The following ACER3 variants were observed in gnomAD, a reference collection of about 807,000 sequenced individuals.
ACER3 encodes alkaline ceramidase 3.
In ACER3, 16 loss-of-function variants were observed where a neutral mutation model predicts 48.9. That is an observed-to-expected ratio of 0.33 (90% CI 0.22 to 0.50). The LOEUF (loss-of-function observed/expected upper bound fraction) is 0.50, where lower values mean the gene tolerates loss of function less well. ACER3 is among the 20% of genes least tolerant of loss of function. The pLI, the probability that ACER3 is intolerant of heterozygous loss-of-function variation, is 0.98. For missense variants in ACER3, 227 were observed against 326.0 expected (o/e 0.70, Z 2.34); for synonymous variants, 109 against 107.8 (o/e 1.01, Z -0.07).
chr11:76,895,319 T>C (rs893912113), intron 1 of ACER3, among the ~76,000 whole-genome samples: 25 of 152,330 alleles, frequency 1.6e-4, no homozygotes, highest in African/African-American at 5.8e-4. Flanking sequence ...CATATTTGCC[T>C]CAATTATGGT....
chr11:76,959,272 T>G, intron 3 of ACER3: 1 of 1,326,008 alleles, frequency 7.5e-7, no homozygotes. Flanking sequence ...CATATAAAAT[T>G]GAGAGCAGCA....
chr11:77,010,270 C>T (rs1264213591), intron 7 of ACER3, among the ~76,000 whole-genome samples: 1 of 151,654 alleles, frequency 6.6e-6, no homozygotes, highest in Non-Finnish European at 1.5e-5. Context: ...ATTACTTGAG[C>T]CCTGGAGCTT....
At chr11:76,923,204 T>C (rs775091150) in intron 1 of ACER3, among the ~76,000 whole-genome samples, 4 of 151,256 alleles carry the variant, frequency 2.6e-5, no homozygotes, top group Non-Finnish European at 5.9e-5. Flanking sequence ...CAAAACAGAC[T>C]GCACCTATTT....
rs370380074 is a variant in ACER3, at chr11:77,026,579, A to G, written c.*6252A>G. 2.6e-5 allele frequency: 4 copies of G among 152,224 alleles called. No homozygotes were observed. Among genetic ancestry groups the G allele is most frequent in the South Asian group, 2.1e-4 (1 of 4,832 alleles). The allele number at this position is 152,224 out of a possible 1,614,324, so 9.4% of individuals were successfully genotyped here. The stretch of plus-strand genomic sequence containing the variant: ...TTCTAGTAGCGATTATTTAATAAAC[A>G]TACATTGTACTGAATCTTACTAGCA... On this transcript the variant is annotated 3_prime_UTR_variant, in exon 11 of 11. Coordinates refer to ENST00000532485, the MANE Select transcript of ACER3 (RefSeq NM_018367.7).
chr11:77,019,814 G>T (rs782386292), intron 10 of ACER3, 38 bp downstream of exon 10: 2 of 1,598,884 alleles, frequency 1.3e-6, no homozygotes, highest in Admixed American at 1.7e-5. Context: ...TGTGTTGGGG[G>T]TATGGTACTG....
chr11:76,976,992 A>G (rs531731470), intron 4 of ACER3, among the ~76,000 whole-genome samples: 2 of 152,372 alleles, frequency 1.3e-5, no homozygotes, highest in East Asian at 3.9e-4. Flanking sequence ...AAAAATGATT[A>G]TGATAGTAAC....
rs1292013395 is a variant in ACER3 at position 76,909,867 on chromosome 11, ACCCAGATG to A, written c.104-16685_104-16678del. On this transcript the variant is annotated intron_variant, in intron 1 of 10. Coordinates refer to ENST00000532485, the MANE Select transcript of ACER3 (RefSeq NM_018367.7). ...TCACAATAGCAAAGACTTGGAACCA[ACCCAGATG>A]CCCATCAATGATAGACTGGATAAAG... is the stretch of plus-strand genomic sequence containing the variant. Among the ~76,000 whole-genome samples the A allele has an allele frequency of 2.0e-5, 3 of 152,186 alleles. No individual in the cohort carries two copies. In the East Asian group the frequency reaches 5.8e-4, roughly 29 times the overall value.
chr11:77,020,573 A>ATG lies in ACER3; in HGVS notation c.*254_*255dup, dbSNP rs1340059624. On this transcript the variant is annotated 3_prime_UTR_variant, in exon 11 of 11. Transcript: ENST00000532485. The stretch of plus-strand genomic sequence containing the variant: ...TCCAGTTTATAAAGAAACAGAGATG[A>ATG]TGTGTGTGTATGCCTCAAATGCAGA... 1.1e-5 allele frequency: 5 copies of ATG among 463,984 alleles called. No individual in the cohort carries two copies. The highest frequency in any genetic ancestry group is 2.0e-5 in the African/African-American group (1 of 50,580). The allele number at this position is 463,984 out of a possible 1,614,324, so 28.7% of individuals were successfully genotyped here. A position where few individuals can be genotyped will look rare whatever the true frequency, so the allele number is the denominator to read the frequency against.
At chr11:76,976,731 A>C (rs986222466) in intron 4 of ACER3, among the ~76,000 whole-genome samples, 1 of 152,360 alleles carries the variant, frequency 6.6e-6, no homozygotes, top group Non-Finnish European at 1.5e-5. Context: ...TTCTAGTTGT[A>C]TAGTGATCGT....
At chr11:76,936,404 G>A (rs1947186811) in intron 2 of ACER3, among the ~76,000 whole-genome samples, 1 of 152,150 alleles carries the variant, frequency 6.6e-6, no homozygotes, top group Non-Finnish European at 1.5e-5. Context: ...AAATTGATAA[G>A]AAGGCTAAAA....
intron 1 of ACER3, among the ~76,000 whole-genome samples, chr11:76,913,980 G>A (rs949398234): frequency 9.9e-5 from 15 of 152,086 alleles, no homozygotes; most frequent in African/African-American, 2.9e-4. Flanking sequence ...TGGTGCTGGG[G>A]AAACTGGCTA....
chr11:76,967,608 T>G (rs1373227126), intron 3 of ACER3, among the ~76,000 whole-genome samples: 3 of 152,136 alleles, frequency 2.0e-5, no homozygotes, highest in African/African-American at 7.2e-5. Context: ...CAAGTGGGCT[T>G]CATCCCTGGG....
intron 2 of ACER3, among the ~76,000 whole-genome samples, chr11:76,938,983 G>A (rs1047109606): frequency 1.3e-3 from 74 of 57,638 alleles, no homozygotes; most frequent in African/African-American, 3.5e-3. Flanking sequence ...AAAAAATGAA[G>A]GAATCATGTC....
chr11:76,927,458 G>GT (rs36050079), intron 2 of ACER3, among the ~76,000 whole-genome samples: 86,592 of 151,540 alleles, frequency 0.57, 27,916 homozygotes, highest in Non-Finnish European at 0.74. Context: ...TTTCTATTCT[G>GT]TTTTTTTTAT....
In ACER3 at chr11:76,956,401, G is replaced by A. The variant is rs539950163; in HGVS notation, c.215-2578G>A. On this transcript the variant is annotated intron_variant, in intron 2 of 10. Transcript: ENST00000532485. ...AGTAAACCTAGTGCTACCCTCTCCTGAAAGGAATTTGAAACCTCTGAGTAG... is the reference window on the plus strand; with the variant it reads ...AGTAAACCTAGTGCTACCCTCTCCTAAAAGGAATTTGAAACCTCTGAGTAG... Among the ~76,000 whole-genome samples, 5 of 152,264 alleles carry A rather than the reference G, an allele frequency of 3.3e-5. No homozygotes were observed. The East Asian group carries it at 9.6e-4, about 29-fold the overall frequency.
At chr11:76,894,478 G>A (rs886344400) in intron 1 of ACER3, among the ~76,000 whole-genome samples, 2 of 152,264 alleles carry the variant, frequency 1.3e-5, no homozygotes, top group East Asian at 3.9e-4. Flanking sequence ...CTTAGACTTA[G>A]GTTTTAATCC....
chr11:76,887,904 G>A (rs539403581), intron 1 of ACER3, among the ~76,000 whole-genome samples: 2 of 142,200 alleles, frequency 1.4e-5, no homozygotes, highest in African/African-American at 2.6e-5. Flanking sequence ...CTGCAGCCTC[G>A]ACCTCCCAGA....
At chr11:76,941,021 ACACACACACACACACACACG>A (rs1169798176) in intron 2 of ACER3, among the ~76,000 whole-genome samples, 1 of 87,040 alleles carries the variant, frequency 1.1e-5, no homozygotes, top group Non-Finnish European at 2.9e-5. Context: ...AAACACACAC[ACACACACACACACACACACG>A]CACACACACA....
chr11:76,885,798 A>G (rs147875785), intron 1 of ACER3, among the ~76,000 whole-genome samples: 177 of 152,230 alleles, frequency 1.2e-3, no homozygotes, highest in African/African-American at 4.2e-3. Flanking sequence ...TGGTTTGCAT[A>G]TGGAAGGTGC....
Sources: allele counts gnomAD v4.1 joint callset (sites outside exome capture counted in the v4.1 genomes callset), GRCh38; gene constraint gnomAD v4.1.1; transcripts MANE v1.5; gene names NCBI Gene and HGNC (gene_info 2026-07-23, HGNC 2026-07-21).